The following GPALPP1 variants were observed in gnomAD, a reference collection of about 807,000 sequenced individuals.
GPALPP1 encodes GPALPP motifs-containing protein 1.
Under a neutral mutation model 38.9 loss-of-function variants are expected in GPALPP1, and 30 were observed. The observed-to-expected ratio is 0.77, with a 90% CI of 0.58 to 1.05. The LOEUF (loss-of-function observed/expected upper bound fraction) is 1.05, where lower values mean the gene tolerates loss of function less well. GPALPP1 is among the 50% of genes least tolerant of loss of function. The pLI, the probability that GPALPP1 is intolerant of heterozygous loss-of-function variation, is 0.00. For missense variants in GPALPP1, 384 were observed against 408.8 expected (o/e 0.94, Z 0.52); for synonymous variants, 120 against 139.2 (o/e 0.86, Z 0.97).
chr13:45,004,183 G>T (rs1471950298), intron 1 of GPALPP1, 122 bp from the exon 2 acceptor site: 2 of 755,940 alleles, frequency 2.6e-6, no homozygotes, highest in East Asian at 2.6e-5. Flanking sequence ...TGAGATTAAA[G>T]TGAATAATAA....
rs371911111 is a variant in GPALPP1 at position 44,995,169 on chromosome 13, AAC to A, written c.88+5460_88+5461del. ...ACCCAGACACAAGCCCCTATCTTTA[AAC>A]ACACACACACACACACACACACACA... On this transcript the variant is annotated intron_variant, in intron 1 of 7. Coordinates refer to ENST00000379151, the MANE Select transcript of GPALPP1 (RefSeq NM_018559.5). Among the ~76,000 whole-genome samples the A allele has an allele frequency of 6.2e-3, 803 of 128,590 alleles. 12 individuals carry two copies. Among genetic ancestry groups the A allele is most frequent in the African/African-American group, 0.022 (717 of 32,746 alleles). The allele number at this position is 128,590 out of a possible 152,430, so 84.4% of individuals were successfully genotyped here.
chr13:45,017,006 T>C (rs960329972), intron 6 of GPALPP1, among the ~76,000 whole-genome samples: 11 of 152,206 alleles, frequency 7.2e-5, no homozygotes, highest in African/African-American at 2.4e-4. Context: ...CACCTTATGA[T>C]TATAAATTCA....
At chr13:44,992,309 T>A (rs1027766173) in intron 1 of GPALPP1, among the ~76,000 whole-genome samples, 3 of 152,350 alleles carry the variant, frequency 2.0e-5, no homozygotes, top group Non-Finnish European at 4.4e-5. Flanking sequence ...TTTTGCTTAT[T>A]TTTCCATTGA....
At chr13:45,006,099 G>A in intron 2 of GPALPP1, 103 bp from the exon 3 acceptor site, 1 of 645,388 alleles carries the variant, frequency 1.5e-6, no homozygotes, top group Non-Finnish European at 2.7e-6. Flanking sequence ...TTGTTGCAGT[G>A]TTTATACAAC....
At chr13:45,005,717 A>G (rs1319153566) in intron 2 of GPALPP1, among the ~76,000 whole-genome samples, 10 of 152,200 alleles carry the variant, frequency 6.6e-5, no homozygotes, top group Admixed American at 6.5e-4. Flanking sequence ...ATTCCAGGAA[A>G]AGACTAGTTA....
chr13:45,013,757 C>G (rs79198003), intron 4 of GPALPP1, among the ~76,000 whole-genome samples: 3 of 152,184 alleles, frequency 2.0e-5, no homozygotes, highest in Non-Finnish European at 4.4e-5. Context: ...AAATAACATG[C>G]CTGAAGTCAC....
At chr13:44,994,798 A>G (rs1017068918) in intron 1 of GPALPP1, among the ~76,000 whole-genome samples, 4 of 152,268 alleles carry the variant, frequency 2.6e-5, no homozygotes, top group Admixed American at 1.3e-4. Context: ...ATTGTTCAGA[A>G]TATCACATTA....
intron 1 of GPALPP1, among the ~76,000 whole-genome samples, chr13:45,003,041 TTTAC>T (rs1290435596): frequency 1.3e-5 from 2 of 152,224 alleles, no homozygotes; most frequent in Non-Finnish European, 2.9e-5. Flanking sequence ...TCTAGAAGTA[TTTAC>T]TTAATAACTG....
chr13:44,994,395 C>G (rs149612668), intron 1 of GPALPP1, among the ~76,000 whole-genome samples: 1 of 151,776 alleles, frequency 6.6e-6, no homozygotes, highest in African/African-American at 2.4e-5. Flanking sequence ...CCAGCCTCAA[C>G]GTGGAGAAAC....
At chr13:44,998,591 T>A (rs1490797768) in intron 1 of GPALPP1, among the ~76,000 whole-genome samples, 1 of 152,208 alleles carries the variant, frequency 6.6e-6, no homozygotes, top group African/African-American at 2.4e-5. Context: ...TGCAGATGCT[T>A]TTCTTTCTGC....
At position 45,001,379 on chromosome 13, in the gene GPALPP1, G is replaced by A. The variant is rs143200262; in HGVS notation, c.89-2926G>A. 1.4e-3 allele frequency among the ~76,000 whole-genome samples: 212 copies of A among 152,248 alleles called. 2 individuals carry two copies. Among genetic ancestry groups the A allele is most frequent in the African/African-American group, 4.7e-3 (196 of 41,528 alleles). ...TATTTCTTCATAGCAGCATGAGAAC[G>A]GACTTACACACCCTATACACCCTAG... On this transcript the variant is annotated intron_variant, in intron 1 of 7. Coordinates refer to ENST00000379151, the MANE Select transcript of GPALPP1 (RefSeq NM_018559.5).
At position 45,004,452 on chromosome 13, in the gene GPALPP1, T is replaced by C; in HGVS notation, c.221+15T>C. The C allele has an allele frequency of 1.3e-6, 2 of 1,596,032 alleles. No individual in the cohort carries two copies. Among genetic ancestry groups the C allele is most frequent in the Non-Finnish European group, 1.7e-6 (2 of 1,164,570 alleles). On this transcript the variant is annotated intron_variant, in intron 2 of 7. Transcript: ENST00000379151. ...CCAACTGCAAGGTCAGTCATTTAAT[T>C]AAATTAAATGATAGACCAAACTTCA... is the stretch of plus-strand genomic sequence containing the variant.
In GPALPP1 at chr13:45,019,030, TATACATAGAAATATATAA is replaced by T. The variant is rs1406061334; in HGVS notation, c.706-1296_706-1279del. Among the ~76,000 whole-genome samples, 39 of 43,630 alleles carry T rather than the reference TATACATAGAAATATATAA, an allele frequency of 8.9e-4. 3 individuals are homozygous for T. Among genetic ancestry groups the T allele is most frequent in the South Asian group, 5.6e-3 (7 of 1,256 alleles). The allele number at this position is 43,630 out of a possible 152,430, so 28.6% of individuals were successfully genotyped here. On this transcript the variant is annotated intron_variant, in intron 6 of 7. Transcript: ENST00000379151. ...ATAAATATATATACACATATAAATA[TATACATAGAAATATATAA>T]ATATAAATATATACATATAAATATA...
chr13:45,020,459 G>A, intron 7 of GPALPP1, 31 bp downstream of exon 7: 1 of 869,144 alleles, frequency 1.2e-6, no homozygotes, highest in African/African-American at 1.7e-5. Flanking sequence ...TATAGAGCCA[G>A]GTGTGATGGC....
downstream of GPALPP1, chr13:45,031,402 A>G (rs1231264620): frequency 1.3e-5 from 2 of 152,212 alleles, no homozygotes; most frequent in Non-Finnish European, 2.9e-5. Flanking sequence ...AATTCTTAAC[A>G]TATATTTTTG....
chr13:44,995,050 C>T (rs1293272758), intron 1 of GPALPP1, among the ~76,000 whole-genome samples: 2 of 152,044 alleles, frequency 1.3e-5, no homozygotes, highest in Non-Finnish European at 2.9e-5. Context: ...GAGGGTTTCT[C>T]CATGTTGGTC....
At chr13:45,032,316 T>A (rs1389738455), downstream of GPALPP1, among the ~76,000 whole-genome samples, 1 of 152,202 alleles carries the variant, frequency 6.6e-6, no homozygotes, top group Non-Finnish European at 1.5e-5. Flanking sequence ...AGTTTTTAGA[T>A]GCTAGCAACC....
At position 44,994,723 on chromosome 13, in the gene GPALPP1, C is replaced by T. The variant is rs960313216; in HGVS notation, c.88+4981C>T. On this transcript the variant is annotated intron_variant, in intron 1 of 7. Coordinates refer to ENST00000379151, the MANE Select transcript of GPALPP1 (RefSeq NM_018559.5). The stretch of plus-strand genomic sequence containing the variant: ...ACAGTTTTCCAAAATACATGGTTTT[C>T]ATAATAAAAGTATTCTTGAAATTAT... Among the ~76,000 whole-genome samples the T allele has an allele frequency of 2.6e-5, 4 of 152,154 alleles. No homozygotes were observed. In the South Asian group the frequency reaches 8.3e-4, roughly 32 times the overall value.
intron 6 of GPALPP1, among the ~76,000 whole-genome samples, chr13:45,019,816 G>A (rs1204180028): frequency 7.6e-6 from 1 of 131,892 alleles, no homozygotes; most frequent in Admixed American, 7.6e-5. Flanking sequence ...TTTTTTCCTT[G>A]TTTTCAAGAA....
Sources: gnomAD v4.1 joint callset for allele counts (sites outside exome capture counted in the v4.1 genomes callset) on GRCh38, gnomAD v4.1.1 for gene constraint, MANE v1.5 for transcripts, NCBI Gene and HGNC (gene_info 2026-07-23, HGNC 2026-07-21) for gene names.